Variants in UAP1L1 observed in about 807,000 individuals in gnomAD.
UAP1L1 encodes the protein UDP-N-acetylglucosamine pyrophosphorylase 1 like 1.
UAP1L1 carries 45 observed loss-of-function variants against 45.3 expected under a neutral mutation model. That is an observed-to-expected ratio of 0.99 (90% CI 0.78 to 1.27). The LOEUF is 1.27. UAP1L1 is among the 50% of genes most tolerant of loss of function. The pLI, the probability that UAP1L1 is intolerant of heterozygous loss-of-function variation, is 0.00. For missense variants in UAP1L1, 667 were observed against 694.0 expected, an observed-to-expected ratio of 0.96 and a Z score of 0.44; for synonymous variants, 323 against 303.9, an observed-to-expected ratio of 1.06 and a Z score of -0.65.
At chr9:137,080,941 A>G in intron 7 of UAP1L1, 67 bp downstream of exon 7, 1 of 1,429,064 alleles carries the variant, frequency 7.0e-7, no homozygotes, top group Non-Finnish European at 9.2e-7. Flanking sequence ...CTTCAGCTCC[A>G]GAGCCCTGTT....
In UAP1L1 at chr9:137,082,547, C is replaced by A. The variant is rs946642601; in HGVS notation, c.1432-90C>A. The A allele has an allele frequency of 6.4e-6, 7 of 1,089,158 alleles. No individual in the cohort carries two copies. Among genetic ancestry groups the A allele is most frequent in the South Asian group, 1.4e-5 (1 of 70,868 alleles). 67.5% of individuals were successfully genotyped at this position (1,089,158 alleles called of 1,614,324 possible). ...CTGACTCCAGGCAGACCTGGGATCG[C>A]ACCTGGGGACTGTGGCTCTTGGTGT... On this transcript the variant is annotated intron_variant, in intron 8 of 8. Transcript: ENST00000409858. This position sits in a 1 kb window ranked among gnomAD's most constrained non-coding sequence, Gnocchi z 5.7.
In UAP1L1 at chr9:137,077,599, T is replaced by G. The variant is rs868606005; in HGVS notation, c.67T>G (p.Trp23Gly). 3.0e-4 allele frequency: 408 copies of G among 1,358,002 alleles called. 3 individuals carry two copies. The African/African-American group carries it at 5.7e-3, about 19-fold the overall frequency. 84.1% of individuals were successfully genotyped at this position (1,358,002 alleles called of 1,614,324 possible). ...RAGQEHLLRF[W>G]AELAPEPRAA... ...TGGCCAGGAGCACCTCCTGCGCTTC[T>G]GGGCCGAGCTGGCGCCGGAGCCACG... Residue 23 changes from tryptophan (W) to glycine (G), a missense_variant, in exon 1 of 9, where the codon TGG (tryptophan) becomes GGG (glycine). Coordinates refer to ENST00000409858, the MANE Select transcript of UAP1L1 (RefSeq NM_207309.3). This position sits in a 1 kb window ranked among gnomAD's most constrained non-coding sequence, Gnocchi z 4.7.
At position 137,081,994 on chromosome 9, in the gene UAP1L1, C is replaced by T. The variant is rs1376203517; in HGVS notation, c.1365-4C>T. On this transcript the variant is annotated splice_region_variant and splice_polypyrimidine_tract_variant and intron_variant, in intron 7 of 8. Transcript: ENST00000409858. ...GGAGATATTGACAAGTGGACTTTCCCTAGCTTGCCCCCAAATGGAGACCCT... is the reference window on the plus strand; with the variant it reads ...GGAGATATTGACAAGTGGACTTTCCTTAGCTTGCCCCCAAATGGAGACCCT... 3 of 1,614,002 alleles carry T rather than the reference C, an allele frequency of 1.9e-6. No homozygotes were observed. Among genetic ancestry groups the T allele is most frequent in the African/African-American group, 2.7e-5 (2 of 75,024 alleles).
intron 7 of UAP1L1, 105 bp from the exon 8 acceptor site, chr9:137,081,893 G>A (rs1832792134): frequency 9.4e-7 from 1 of 1,068,560 alleles, no homozygotes; most frequent in South Asian, 1.3e-5. Flanking sequence ...AGGAGCTGTG[G>A]GGAGCCAGGT....
rs1051824525 is a variant in UAP1L1, at chr9:137,082,381, C to T, written c.1432-256C>T. ...TGCTACCTCCCTGACCTCGGCTGCC[C>T]TTGCCCCTTTCTCTGGTCAGGTCAG... On this transcript the variant is annotated intron_variant, in intron 8 of 8. Coordinates refer to ENST00000409858, the MANE Select transcript of UAP1L1 (RefSeq NM_207309.3). The surrounding 1 kb of genome is among the most constrained non-coding windows in gnomAD (Gnocchi z 5.7). 2.7e-5 allele frequency: 16 copies of T among 595,142 alleles called. No individual in the cohort carries two copies. Among genetic ancestry groups the T allele is most frequent in the East Asian group, 2.2e-4 (8 of 35,812 alleles). The allele number at this position is 595,142 out of a possible 1,614,324, so 36.9% of individuals were successfully genotyped here. A position where few individuals can be genotyped will look rare whatever the true frequency, so the allele number is the denominator to read the frequency against.
At chr9:137,079,719 C>CT in intron 5 of UAP1L1, 1 of 584,736 alleles carries the variant, frequency 1.7e-6, no homozygotes, top group East Asian at 2.9e-5. Flanking sequence ...TGGGGACCTG[C>CT]CCTGGTGCCC....
rs769028813 is a variant in UAP1L1 at position 137,078,399 on chromosome 9, A to G, written c.495-103A>G. Reference sequence around the variant, plus strand: ...AAAATGGGGCCTGGCCCCAGCCCCAACTGGACACTGGACCCCGAACCCCGA... The same window carrying G: ...AAAATGGGGCCTGGCCCCAGCCCCAGCTGGACACTGGACCCCGAACCCCGA... On this transcript the variant is annotated intron_variant, in intron 2 of 8. Coordinates refer to ENST00000409858, the MANE Select transcript of UAP1L1 (RefSeq NM_207309.3). The G allele has an allele frequency of 1.2e-5, 19 of 1,594,672 alleles. 1 individual carries two copies. Among genetic ancestry groups the G allele is most frequent in the South Asian group, 1.0e-4 (9 of 89,704 alleles).
rs913619284 is a variant in UAP1L1 at position 137,084,198 on chromosome 9, T to A, written c.*1469T>A. The A allele has an allele frequency of 6.6e-6, 1 of 152,294 alleles. No homozygotes were observed. Among genetic ancestry groups the A allele is most frequent in the African/African-American group, 2.4e-5 (1 of 41,462 alleles). 9.4% of individuals were successfully genotyped at this position (152,294 alleles called of 1,614,324 possible). A position where few individuals can be genotyped will look rare whatever the true frequency, so the allele number is the denominator to read the frequency against. On this transcript the variant is annotated 3_prime_UTR_variant, in exon 9 of 9. Coordinates refer to ENST00000409858, the MANE Select transcript of UAP1L1 (RefSeq NM_207309.3). ...GCACAGTTAGTTGGGTGAAGTCTTT[T>A]TTTTTGTTTGTTTTAGACGGAGTTT...
intron 6 of UAP1L1, 116 bp downstream of exon 6, chr9:137,080,258 C>A: frequency 2.9e-6 from 4 of 1,391,630 alleles, no homozygotes; most frequent in Non-Finnish European, 4.0e-6. Context: ...GCCCCGCGGG[C>A]AAGTCTCAGG....
At chr9:137,081,382 T>TC (rs1237453308) in intron 7 of UAP1L1, among the ~76,000 whole-genome samples, 2 of 150,988 alleles carry the variant, frequency 1.3e-5, no homozygotes. Flanking sequence ...TTTTGTATTT[T>TC]TTTTTTTTTT....
chr9:137,083,110 C>G lies in UAP1L1; in HGVS notation c.*381C>G, dbSNP rs1325071185. The G allele has an allele frequency of 4.5e-6, 1 of 224,642 alleles. No homozygotes were observed. Among genetic ancestry groups the G allele is most frequent in the African/African-American group, 2.2e-5 (1 of 45,152 alleles). The allele number at this position is 224,642 out of a possible 1,614,324, so 13.9% of individuals were successfully genotyped here. On this transcript the variant is annotated 3_prime_UTR_variant, in exon 9 of 9. Coordinates refer to ENST00000409858, the MANE Select transcript of UAP1L1 (RefSeq NM_207309.3). Reference sequence around the variant, plus strand: ...GAGGTGTGGTGTCATCTGGGGAGAACAGGAGGGCATGTCCCTTTGGGAGCC... The same window carrying G: ...GAGGTGTGGTGTCATCTGGGGAGAAGAGGAGGGCATGTCCCTTTGGGAGCC...
In UAP1L1 at chr9:137,082,563, C is replaced by A. The variant is rs1249592478; in HGVS notation, c.1432-74C>A. 6.3e-6 allele frequency: 8 copies of A among 1,264,258 alleles called. No homozygotes were observed. The highest frequency in any genetic ancestry group is 2.5e-5 in the East Asian group (1 of 39,232). The allele number at this position is 1,264,258 out of a possible 1,614,324, so 78.3% of individuals were successfully genotyped here. ...CTGGGATCGCACCTGGGGACTGTGG[C>A]TCTTGGTGTGGCCAGAGGGGCTGTG... is the stretch of plus-strand genomic sequence containing the variant. On this transcript the variant is annotated intron_variant, in intron 8 of 8. Coordinates refer to ENST00000409858, the MANE Select transcript of UAP1L1 (RefSeq NM_207309.3). This position sits in a 1 kb window ranked among gnomAD's most constrained non-coding sequence, Gnocchi z 5.7.
intron 6 of UAP1L1, 27 bp from the exon 7 acceptor site, chr9:137,080,662 G>A (rs370605070): frequency 2.8e-5 from 44 of 1,590,860 alleles, no homozygotes; most frequent in Admixed American, 3.4e-5. Context: ...GTGCTGGGAC[G>A]TGGGTGACTA....
chr9:137,080,387 T>C lies in UAP1L1; in HGVS notation c.1178+245T>C, dbSNP rs147023862. On this transcript the variant is annotated intron_variant, in intron 6 of 8. Coordinates refer to ENST00000409858, the MANE Select transcript of UAP1L1 (RefSeq NM_207309.3). ...TAGTGCCACCTCCCGGACCTTCCAC[T>C]GCCCCCACCCATGGTTAGGAGAGGT... is the stretch of plus-strand genomic sequence containing the variant. 1.4e-3 allele frequency: 810 copies of C among 593,710 alleles called. 3 individuals carry two copies. The highest frequency in any genetic ancestry group is 0.014 in the African/African-American group (728 of 53,700). The allele number at this position is 593,710 out of a possible 1,614,324, so 36.8% of individuals were successfully genotyped here.
rs373465522 is a variant in UAP1L1, at chr9:137,079,255, G to A, written c.844-1G>A. 7 of 1,608,336 alleles carry A rather than the reference G, an allele frequency of 4.4e-6. No individual in the cohort carries two copies. Among genetic ancestry groups the A allele is most frequent in the Non-Finnish European group, 5.1e-6 (6 of 1,176,940 alleles). On this transcript the variant is annotated splice_acceptor_variant, in intron 4 of 8. Coordinates refer to ENST00000409858, the MANE Select transcript of UAP1L1 (RefSeq NM_207309.3). LOFTEE classifies it high-confidence loss of function. ...GAACCCATCCCTGGTCTTGGCTGCA[G>A]GTGGTGGAAAAGGCATACCCCGAGG...
rs1019070854 is a variant in UAP1L1, at chr9:137,079,570, G to A, written c.1037+121G>A. 13 of 941,864 alleles carry A rather than the reference G, an allele frequency of 1.4e-5. No individual in the cohort carries two copies. In the African/African-American group the frequency reaches 2.2e-4, roughly 16 times the overall value. 58.3% of individuals were successfully genotyped at this position (941,864 alleles called of 1,614,324 possible). On this transcript the variant is annotated intron_variant, in intron 5 of 8. Transcript: ENST00000409858. ...AGCGGCTGTGGTCAGGAGTGGCTGTGGTCAGGCACGGCTGATGGGTCGGGG... is the reference window on the plus strand; with the variant it reads ...AGCGGCTGTGGTCAGGAGTGGCTGTAGTCAGGCACGGCTGATGGGTCGGGG...
rs775471036 is a variant in UAP1L1, at chr9:137,078,578, C to T, written c.571C>T (p.Pro191Ser). 30 of 1,613,100 alleles carry T rather than the reference C, an allele frequency of 1.9e-5. No individual in the cohort carries two copies. Among genetic ancestry groups the T allele is most frequent in the Non-Finnish European group, 2.1e-5 (25 of 1,180,036 alleles). ...GGAGCACAACTTCTTCCACCTGGAC[C>T]CCGCCAACGTGGTCATGTTTGAGCA... Reference protein sequence around the residue: ...FREHNFFHLDPANVVMFEQRL... With the variant: ...FREHNFFHLDSANVVMFEQRL... The change falls in exon 3 of 9, where the codon CCC (proline) becomes TCC (serine). Residue 191 changes from proline (P) to serine (S), a missense_variant. Physicochemically the swap from Pro to Ser is moderately conservative, Grantham distance 74. Coordinates refer to ENST00000409858, the MANE Select transcript of UAP1L1 (RefSeq NM_207309.3).
chr9:137,079,314 TC>T lies in UAP1L1; in HGVS notation c.907del (p.Gln303ArgfsTer50). 1.2e-6 allele frequency: 2 copies of T among 1,612,712 alleles called. No homozygotes were observed. The highest frequency in any genetic ancestry group is 4.5e-5 in the East Asian group (2 of 44,812). On this transcript the variant is annotated frameshift_variant, in exon 5 of 9. Transcript: ENST00000409858. LOFTEE classifies it high-confidence loss of function. Reference protein sequence around the residue: ...PVGVVCQVDGVPQVVEYSEIS... With the variant: ...PVGVVCQVDGXPQVVEYSEIS... ...GGCGTGGTGTGCCAGGTGGACGGTG[TC>T]CCCCAGGTGGTGGAGTACAGCGAGA...
chr9:137,082,860 G>A lies in UAP1L1; in HGVS notation c.*131G>A. The stretch of plus-strand genomic sequence containing the variant: ...CTACAGCCCAGCCTGAGCTCTGGGT[G>A]GGAAAGCAGCCTGCCCCATGCTTCC... On this transcript the variant is annotated 3_prime_UTR_variant, in exon 9 of 9. Coordinates refer to ENST00000409858, the MANE Select transcript of UAP1L1 (RefSeq NM_207309.3). This position sits in a 1 kb window ranked among gnomAD's most constrained non-coding sequence, Gnocchi z 5.7. 1 of 698,306 alleles carries A rather than the reference G, an allele frequency of 1.4e-6. No homozygotes were observed. The highest frequency in any genetic ancestry group is 2.4e-6 in the Non-Finnish European group (1 of 413,094). 43.3% of individuals were successfully genotyped at this position (698,306 alleles called of 1,614,324 possible).
Sources: allele counts gnomAD v4.1 joint callset (sites outside exome capture counted in the v4.1 genomes callset), GRCh38; gene constraint gnomAD v4.1.1; non-coding constraint Gnocchi (gnomAD v3.1); transcripts MANE v1.5; gene names NCBI Gene and HGNC (gene_info 2026-07-23, HGNC 2026-07-21).